Variants in PABIR2 observed in about 807,000 individuals in gnomAD.
PABIR2 encodes PABIR family member 2.
In PABIR2, 7 loss-of-function variants were observed where a neutral mutation model predicts 22.8. That is an observed-to-expected ratio of 0.31 (90% CI 0.17 to 0.58). The LOEUF is 0.58. PABIR2 is among the 20% of genes least tolerant of loss of function. The pLI, the probability that PABIR2 is intolerant of heterozygous loss-of-function variation, is 0.89. For missense variants in PABIR2, 155 were observed against 205.1 expected (o/e 0.76, Z 1.49); for synonymous variants, 67 against 73.8 (o/e 0.91, Z 0.47).
intron 9 of PABIR2, among the ~76,000 whole-genome samples, chrX:134,777,639 C>T (rs1048486695): frequency 5.5e-5 from 6 of 109,525 alleles, no homozygotes; most frequent in Non-Finnish European, 7.6e-5. Flanking sequence ...GAGTTCGAGA[C>T]CAGCCTGACC....
chrX:134,777,464 T>G (rs1391374974), intron 9 of PABIR2, among the ~76,000 whole-genome samples: 1 of 103,702 alleles, frequency 9.6e-6, no homozygotes, highest in African/African-American at 3.6e-5. Flanking sequence ...AAGCAGAGGT[T>G]GCAGTGAGCC....
chrX:134,774,303 G>A (rs2078908558), intron 9 of PABIR2, among the ~76,000 whole-genome samples: 1 of 111,804 alleles, frequency 8.9e-6, no homozygotes, highest in Admixed American at 9.6e-5. Context: ...TTTTCCTCCT[G>A]CAGCTTTTTG....
chrX:134,796,124 G>A lies in PABIR2; in HGVS notation c.82C>T (p.Leu28=). 2.5e-6 allele frequency: 3 copies of A among 1,210,909 alleles called. No homozygotes were observed. Among genetic ancestry groups the A allele is most frequent in the Non-Finnish European group, 3.4e-6 (3 of 895,130 alleles). Residue 28 remains leucine (L), a synonymous_variant, in exon 1 of 10, where the codon CTA becomes TTA. Transcript: ENST00000343004. ...GTLRRSSSAP[L]IHGLSDLSQV... is the part of the protein sequence containing the mutation. ...CCTGCTCACCTGAGCCCATGGATTAGGGGAGCGCTGCTGGATCTCCTCAGG... is the reference window on the plus strand; with the variant it reads ...CCTGCTCACCTGAGCCCATGGATTAAGGGAGCGCTGCTGGATCTCCTCAGG...
rs746591286 is a variant in PABIR2, at chrX:134,789,095, C to G, written c.323G>C (p.Ser108Thr). The change falls in exon 5 of 10, where the codon AGC becomes ACC. Residue 108 changes from serine to threonine, a missense_variant. Transcript: ENST00000343004. ...ATGAGCAAACTTTACCAGGCTCAAGCTCTCATCCCATGATTGGCTTATCTG... is the reference window on the plus strand; with the variant it reads ...ATGAGCAAACTTTACCAGGCTCAAGGTCTCATCCCATGATTGGCTTATCTG... Reference protein sequence around the residue: ...AMQISQSWDESLSLSDSDFDK... With the variant: ...AMQISQSWDETLSLSDSDFDK... 8 of 1,211,948 alleles carry G rather than the reference C, an allele frequency of 6.6e-6. No individual in the cohort carries two copies. Among genetic ancestry groups the G allele is most frequent in the Non-Finnish European group, 7.8e-6 (7 of 895,544 alleles).
At chrX:134,778,959 G>A (rs1304755252) in intron 9 of PABIR2, among the ~76,000 whole-genome samples, 1 of 110,605 alleles carries the variant, frequency 9.0e-6, no homozygotes, top group Non-Finnish European at 1.9e-5. Context: ...GACTACAGGC[G>A]CCCGCCACCA....
chrX:134,796,454 G>A lies in PABIR2; in HGVS notation c.-249C>T, dbSNP rs970521491. On this transcript the variant is annotated 5_prime_UTR_variant, in exon 1 of 10. Coordinates refer to ENST00000343004, the MANE Select transcript of PABIR2 (RefSeq NM_001387468.1). ...AGGAGAGGAGGACGAAGAGGTAGTGGTGGAAGGTGACAGAATGAAGGAAAA... is the reference window on the plus strand; with the variant it reads ...AGGAGAGGAGGACGAAGAGGTAGTGATGGAAGGTGACAGAATGAAGGAAAA... 1 of 359,236 alleles carries A rather than the reference G, an allele frequency of 2.8e-6. No individual in the cohort carries two copies. Among genetic ancestry groups the A allele is most frequent in the Non-Finnish European group, 4.9e-6 (1 of 204,620 alleles). 29.6% of individuals were successfully genotyped at this position (359,236 alleles called of 1,213,427 possible).
At chrX:134,789,456 G>T in intron 3 of PABIR2, 124 bp downstream of exon 3, 1 of 822,138 alleles carries the variant, frequency 1.2e-6, no homozygotes, top group Non-Finnish European at 1.8e-6. Flanking sequence ...ACACGCTCCA[G>T]AAGAATTATA....
chrX:134,778,526 C>T (rs1440440664), intron 9 of PABIR2, among the ~76,000 whole-genome samples: 5 of 103,020 alleles, frequency 4.9e-5, no homozygotes, highest in Admixed American at 4.2e-4. Context: ...AAAAAAAAAT[C>T]ATATTTAAAA....
In PABIR2 at chrX:134,787,256, G is replaced by C. The variant is rs766977860; in HGVS notation, c.497+216C>G. Among the ~76,000 whole-genome samples the C allele has an allele frequency of 8.2e-4, 89 of 108,569 alleles. 1 individual carries two copies. Among genetic ancestry groups the C allele is most frequent in the African/African-American group, 2.7e-3 (81 of 29,811 alleles). The allele number at this position is 108,569 out of a possible 115,157, so 94.3% of individuals were successfully genotyped here. A position where few individuals can be genotyped will look rare whatever the true frequency, so the allele number is the denominator to read the frequency against. On this transcript the variant is annotated intron_variant, in intron 7 of 9. Coordinates refer to ENST00000343004, the MANE Select transcript of PABIR2 (RefSeq NM_001387468.1). ...CTGGGATTACAGGCGCCTGCCACCA[G>C]GCCCAGCTAATTTTTCTATTTTTAG...
At chrX:134,774,159 G>A (rs965398280) in intron 9 of PABIR2, among the ~76,000 whole-genome samples, 1 of 111,998 alleles carries the variant, frequency 8.9e-6, no homozygotes, top group South Asian at 3.7e-4. Context: ...AGCTGGCTCC[G>A]ATATTTTTTC....
At chrX:134,783,097 T>C (rs1429775113) in intron 8 of PABIR2, among the ~76,000 whole-genome samples, 1 of 112,225 alleles carries the variant, frequency 8.9e-6, no homozygotes, top group Non-Finnish European at 1.9e-5. Context: ...ACAACAATAA[T>C]AGCTTTATTT....
intron 1 of PABIR2, among the ~76,000 whole-genome samples, chrX:134,795,418 C>G (rs150301938): frequency 0.018 from 2,038 of 111,431 alleles, 48 homozygotes; most frequent in African/African-American, 0.064. Flanking sequence ...CTAACCTTCA[C>G]TATTACAAGA....
At chrX:134,786,141 C>A (rs1402202276) in intron 7 of PABIR2, among the ~76,000 whole-genome samples, 191 bp from the exon 8 acceptor site, 1 of 112,237 alleles carries the variant, frequency 8.9e-6, no homozygotes, top group Non-Finnish European at 1.9e-5. Context: ...TGGAATAATA[C>A]AGCATTTTAA....
chrX:134,779,611 T>A (rs1205357319), intron 9 of PABIR2, among the ~76,000 whole-genome samples: 1 of 111,393 alleles, frequency 9.0e-6, no homozygotes, highest in African/African-American at 3.3e-5. Context: ...GACAATGAGA[T>A]AAGACCCTTC....
intron 2 of PABIR2, among the ~76,000 whole-genome samples, chrX:134,790,737 T>A (rs1468406143): frequency 9.0e-6 from 1 of 111,656 alleles, no homozygotes; most frequent in African/African-American, 3.3e-5. Context: ...GACTGGAGTA[T>A]AAGATAAATG....
In PABIR2 at chrX:134,771,932, A is replaced by T. The variant is rs768268728; in HGVS notation, c.*207T>A. On this transcript the variant is annotated 3_prime_UTR_variant, in exon 10 of 10. Transcript: ENST00000343004. ...AGATTTAATCACTAAATCCAAAATG[A>T]GATCAGCAAAACCAGATACTAGTAA... The T allele has an allele frequency of 3.5e-5, 33 of 954,700 alleles. No homozygotes were observed. In the East Asian group the frequency reaches 1.3e-3, roughly 37 times the overall value. 78.7% of individuals were successfully genotyped at this position (954,700 alleles called of 1,213,427 possible).
chrX:134,795,821 G>A (rs766794905), intron 1 of PABIR2, among the ~76,000 whole-genome samples: 8 of 111,513 alleles, frequency 7.2e-5, no homozygotes, highest in East Asian at 5.7e-4. Context: ...TAAGTTAGTC[G>A]GGGCAAGCAA....
At chrX:134,788,994 G>A in intron 5 of PABIR2, 91 bp downstream of exon 5, 2 of 1,107,326 alleles carry the variant, frequency 1.8e-6, no homozygotes, top group Non-Finnish European at 2.5e-6. Flanking sequence ...AAGTAGAAGG[G>A]GAAAGAAGTG....
rs778539181 is a variant in PABIR2 at position 134,771,785 on chromosome X, C to T, written c.*354G>A. On this transcript the variant is annotated 3_prime_UTR_variant, in exon 10 of 10. Coordinates refer to ENST00000343004, the MANE Select transcript of PABIR2 (RefSeq NM_001387468.1). ...GATCAAATCTGTCATATCACTGCTG[C>T]GGAAAAGGACCATTAAAGGCAATAC... The T allele has an allele frequency of 4.9e-6, 4 of 815,838 alleles. No individual in the cohort carries two copies. The highest frequency in any genetic ancestry group is 6.4e-5 in the South Asian group (1 of 15,584). 67.2% of individuals were successfully genotyped at this position (815,838 alleles called of 1,213,427 possible). A position where few individuals can be genotyped will look rare whatever the true frequency, so the allele number is the denominator to read the frequency against.
Sources: gnomAD v4.1 joint callset for allele counts (sites outside exome capture counted in the v4.1 genomes callset) on GRCh38, gnomAD v4.1.1 for gene constraint, MANE v1.5 for transcripts, NCBI Gene and HGNC (gene_info 2026-07-23, HGNC 2026-07-21) for gene names.